The following EYA1 variants were observed in gnomAD, a reference collection of about 807,000 sequenced individuals.
EYA1 encodes protein phosphatase EYA1.
Under a neutral mutation model 82.0 loss-of-function variants are expected in EYA1, and 16 were observed. The ratio of observed to expected loss-of-function variants is 0.20; its 90% confidence interval spans 0.13 to 0.30. EYA1 has a LOEUF of 0.30. Ranked by LOEUF, EYA1 falls within the 10% of genes least tolerant of loss-of-function variation. EYA1 has a pLI of 1.00. For missense variants in EYA1, 633 were observed against 730.7 expected (o/e 0.87, Z 1.54); for synonymous variants, 261 against 264.4 (o/e 0.99, Z 0.12).
At chr8:71,512,523 GT>G (rs1812680602) in intron 2 of EYA1, among the ~76,000 whole-genome samples, 1 of 151,600 alleles carries the variant, frequency 6.6e-6, no homozygotes, top group African/African-American at 2.4e-5. Context: ...TACAATGGAA[GT>G]AACAATAAAT....
Position 71,199,366 on chromosome 8 carries a change from G to A in EYA1, c.1753C>T (p.His585Tyr). The A allele has an allele frequency of 7.4e-6, 12 of 1,613,020 alleles. No individual in the cohort carries two copies. Among genetic ancestry groups the A allele is most frequent in the Non-Finnish European group, 9.3e-6 (11 of 1,179,618 alleles). Residue 585 changes from histidine to tyrosine, a missense_variant, in exon 18 of 18, where the codon CAT (histidine) becomes TAT (tyrosine). By Grantham distance (83) the His-to-Tyr change is moderately conservative. Transcript: ENST00000340726. ...TACAGGTACTCCAGTTCCAAGGCAT[G>A]GTGCAGGGCCATGAGGTCCGAGTGG... ...SSHSDLMALH[H>Y]ALELEYL
chr8:71,258,362 G>T (rs547642188), intron 11 of EYA1, among the ~76,000 whole-genome samples: 1 of 152,188 alleles, frequency 6.6e-6, no homozygotes, highest in African/African-American at 2.4e-5. Context: ...TAGCCCTGGA[G>T]GTTTTGCGTG....
intron 2 of EYA1, among the ~76,000 whole-genome samples, chr8:71,415,980 G>A (rs1830832745): frequency 6.6e-6 from 1 of 152,196 alleles, no homozygotes; most frequent in Non-Finnish European, 1.5e-5. Context: ...TTTGGAGGAT[G>A]TGCTCACTCT....
chr8:71,305,216 C>T (rs1820594578), intron 7 of EYA1, among the ~76,000 whole-genome samples: 1 of 142,868 alleles, frequency 7.0e-6, no homozygotes. Context: ...GACTTTACAT[C>T]AAAAGACACC....
intron 12 of EYA1, among the ~76,000 whole-genome samples, chr8:71,242,174 C>T (rs1206961158): frequency 6.6e-6 from 1 of 151,602 alleles, no homozygotes; most frequent in Non-Finnish European, 1.5e-5. Context: ...CCACTGCACT[C>T]CAGCCTGGAT....
chr8:71,245,505 C>T (rs1211260284), intron 11 of EYA1, among the ~76,000 whole-genome samples: 1 of 151,700 alleles, frequency 6.6e-6, no homozygotes, highest in Non-Finnish European at 1.5e-5. Flanking sequence ...GGATTACAGG[C>T]ATGAGCCACT....
intron 9 of EYA1, among the ~76,000 whole-genome samples, chr8:71,294,007 T>C (rs1467608402): frequency 2.0e-5 from 3 of 150,744 alleles, no homozygotes; most frequent in African/African-American, 4.9e-5. Context: ...AAAAACATGA[T>C]TGTCTATGTA....
At chr8:71,506,156 T>C (rs955208264) in intron 2 of EYA1, among the ~76,000 whole-genome samples, 1 of 152,186 alleles carries the variant, frequency 6.6e-6, no homozygotes, top group Non-Finnish European at 1.5e-5. Context: ...AATGGACTAA[T>C]ACAATGATTT....
intron 1 of EYA1, among the ~76,000 whole-genome samples, chr8:71,536,181 CTT>C (rs1156472695): frequency 6.6e-6 from 1 of 152,124 alleles, no homozygotes; most frequent in Non-Finnish European, 1.5e-5. Context: ...TTTTTCTTCT[CTT>C]CTTTTTTTTT....
chr8:71,272,182 G>C (rs1816627272), intron 9 of EYA1, among the ~76,000 whole-genome samples: 1 of 152,144 alleles, frequency 6.6e-6, no homozygotes, highest in Non-Finnish European at 1.5e-5. Context: ...TCTGTGATTA[G>C]AGAACGCTCC....
intron 4 of EYA1, among the ~76,000 whole-genome samples, chr8:71,325,721 T>G (rs1393470537): frequency 2.0e-5 from 3 of 152,334 alleles, no homozygotes; most frequent in Admixed American, 6.5e-5. Context: ...TTATAACTAC[T>G]CACCTAGTTA....
chr8:71,447,335 A>T (rs1440017192), intron 2 of EYA1, among the ~76,000 whole-genome samples: 1 of 152,068 alleles, frequency 6.6e-6, no homozygotes, highest in Admixed American at 6.5e-5. Flanking sequence ...AGTCTGCAAA[A>T]GGCCAGAACT....
intron 11 of EYA1, among the ~76,000 whole-genome samples, chr8:71,264,991 A>C (rs1000458235): frequency 2.6e-5 from 4 of 152,212 alleles, no homozygotes; most frequent in African/African-American, 9.7e-5. Context: ...CCTAAGGTCA[A>C]AGAGGTGAAA....
upstream of EYA1, among the ~76,000 whole-genome samples, chr8:71,365,574 T>A (rs1372789253): frequency 6.6e-6 from 1 of 152,228 alleles, no homozygotes; most frequent in African/African-American, 2.4e-5. Context: ...CAAAGTAGAA[T>A]GGCAAATAGA....
intron 2 of EYA1, among the ~76,000 whole-genome samples, chr8:71,412,090 G>A (rs1195529816): frequency 6.7e-6 from 1 of 148,702 alleles, no homozygotes; most frequent in African/African-American, 2.5e-5. Flanking sequence ...GGACATGGAT[G>A]AAATTGGAAA....
chr8:71,379,857 G>A (rs896249519), intron 2 of EYA1, among the ~76,000 whole-genome samples: 2 of 152,152 alleles, frequency 1.3e-5, no homozygotes, highest in African/African-American at 4.8e-5. Context: ...ATTTCAAAAA[G>A]CATCATGCTA....
chr8:71,268,904 ACTGGG>A (rs1816185218), intron 11 of EYA1, among the ~76,000 whole-genome samples: 1 of 152,260 alleles, frequency 6.6e-6, no homozygotes, highest in Non-Finnish European at 1.5e-5. Context: ...TGCTGAAGTC[ACTGGG>A]ACATAATAAG....
chr8:71,491,032 A>G (rs1049410511), intron 2 of EYA1, among the ~76,000 whole-genome samples: 2 of 152,182 alleles, frequency 1.3e-5, no homozygotes, highest in African/African-American at 4.8e-5. Flanking sequence ...ATTGGATGAA[A>G]AAAAAAACAC....
intron 2 of EYA1, among the ~76,000 whole-genome samples, chr8:71,379,776 A>C (rs1828588691): frequency 6.6e-6 from 1 of 152,162 alleles, no homozygotes; most frequent in Non-Finnish European, 1.5e-5. Context: ...GAAGTTCAAA[A>C]TCCTCAATTT....
Sources: allele counts gnomAD v4.1 joint callset (sites outside exome capture counted in the v4.1 genomes callset), GRCh38; gene constraint gnomAD v4.1.1; transcripts MANE v1.5; gene names NCBI Gene and HGNC (gene_info 2026-07-23, HGNC 2026-07-21).